Variants in PCDHGA1 observed in about 807,000 individuals in gnomAD.
The protein encoded by PCDHGA1 is protocadherin gamma-A1.
In PCDHGA1, 32 loss-of-function variants were observed where a neutral mutation model predicts 58.0. That is an observed-to-expected ratio of 0.55 (90% CI 0.42 to 0.74). The LOEUF is 0.74. PCDHGA1 is among the 30% of genes least tolerant of loss of function. The pLI is 0.00. For missense variants in PCDHGA1, 1,205 were observed against 1,182.3 expected, an observed-to-expected ratio of 1.02 and a Z score of -0.28; for synonymous variants, 498 against 501.1, an observed-to-expected ratio of 0.99 and a Z score of 0.08.
intron 1 of PCDHGA1, chr5:141,404,993 C>G (rs1159647700): frequency 6.2e-7 from 1 of 1,613,850 alleles, no homozygotes; most frequent in Non-Finnish European, 8.5e-7. Flanking sequence ...TCTTCAGATC[C>G]CTGCAGACCT....
At chr5:141,492,404 T>C (rs944864208) in intron 1 of PCDHGA1, among the ~76,000 whole-genome samples, 9 of 152,316 alleles carry the variant, frequency 5.9e-5, no homozygotes, top group African/African-American at 1.9e-4. Context: ...GCAGCTCCCC[T>C]CTGCCGCTCC....
chr5:141,364,396 G>A (rs1763298819), intron 1 of PCDHGA1: 4 of 1,604,434 alleles, frequency 2.5e-6, no homozygotes, highest in Non-Finnish European at 3.4e-6. Context: ...TCCTGGGGAC[G>A]CTGTGCGAGC....
intron 1 of PCDHGA1, chr5:141,415,523 T>G (rs1245542927): frequency 1.9e-6 from 3 of 1,614,196 alleles, no homozygotes; most frequent in Non-Finnish European, 2.5e-6. Context: ...GCGGACACGC[T>G]CATCAGCCAG....
intron 1 of PCDHGA1, chr5:141,343,299 T>C: frequency 1.0e-6 from 1 of 971,234 alleles, no homozygotes; most frequent in Non-Finnish European, 1.2e-6. Context: ...AATGTATAAA[T>C]ATGGCTGATT....
intron 1 of PCDHGA1, chr5:141,374,416 G>T (rs1770482486): frequency 6.2e-7 from 1 of 1,613,830 alleles, no homozygotes; most frequent in Non-Finnish European, 8.5e-7. Flanking sequence ...TCCTTGTCGA[G>T]GATAAACTGA....
At chr5:141,500,438 T>C (rs977844035) in intron 2 of PCDHGA1, among the ~76,000 whole-genome samples, 2 of 151,816 alleles carry the variant, frequency 1.3e-5, no homozygotes, top group African/African-American at 4.8e-5. Flanking sequence ...CTCGATCTCC[T>C]GACCTCGTGA....
chr5:141,477,193 C>G lies in PCDHGA1; in HGVS notation c.2422-17614C>G. The G allele has an allele frequency of 6.2e-7, 1 of 1,614,176 alleles. No homozygotes were observed. Among genetic ancestry groups the G allele is most frequent in the Non-Finnish European group, 8.5e-7 (1 of 1,180,036 alleles). On this transcript the variant is annotated intron_variant, in intron 1 of 3. Transcript: ENST00000517417. This position sits in a 1 kb window ranked among gnomAD's most constrained non-coding sequence, Gnocchi z 4.9. ...AGATCACAGTCACCTCCGTGTACAG[C>G]CCAGTACCCGAGGATGCCCCTCTGG...
chr5:141,371,143 A>G (rs199674539), intron 1 of PCDHGA1: 355 of 1,613,904 alleles, frequency 2.2e-4, no homozygotes, highest in Middle Eastern at 4.9e-4. Flanking sequence ...TACAGGGTCA[A>G]TGTTGCAGAG....
chr5:141,361,803 T>C, intron 1 of PCDHGA1: 1 of 1,613,164 alleles, frequency 6.2e-7, no homozygotes, highest in Non-Finnish European at 8.5e-7. Flanking sequence ...GCGACCTCAA[T>C]GACAATGCGC....
chr5:141,377,672 C>G (rs529772336), intron 1 of PCDHGA1: 1 of 151,784 alleles, frequency 6.6e-6, no homozygotes, highest in East Asian at 1.9e-4. Context: ...GACGTTCATA[C>G]AAGAGATCTT....
chr5:141,415,041 G>T, intron 1 of PCDHGA1: 1 of 1,613,530 alleles, frequency 6.2e-7, no homozygotes, highest in Non-Finnish European at 8.5e-7. Flanking sequence ...GACTCTTCGC[G>T]GTGGGGGAGC....
Position 141,464,279 on chromosome 5 carries a change from CA to C in PCDHGA1, c.2422-30517del, listed in dbSNP as rs373828487. Among the ~76,000 whole-genome samples, 143 of 137,732 alleles carry C rather than the reference CA, an allele frequency of 1.0e-3. 2 individuals are homozygous for C. The Middle Eastern group carries it at 0.015, about 15-fold the overall frequency. 90.4% of individuals were successfully genotyped at this position (137,732 alleles called of 152,430 possible). A position where few individuals can be genotyped will look rare whatever the true frequency, so the allele number is the denominator to read the frequency against. The stretch of plus-strand genomic sequence containing the variant: ...GACTCCGTCTAAAAAAAAAAAAAAG[CA>C]AAAAAAAAAACTCCATTGTATGTGC... On this transcript the variant is annotated intron_variant, in intron 1 of 3. Transcript: ENST00000517417.
chr5:141,345,633 G>A (rs1397883180), intron 1 of PCDHGA1: 2 of 1,614,210 alleles, frequency 1.2e-6, no homozygotes, highest in Admixed American at 1.7e-5. Flanking sequence ...ACTGGTGACA[G>A]CCAGCGACAG....
chr5:141,383,123 T>C, intron 1 of PCDHGA1: 1 of 1,614,066 alleles, frequency 6.2e-7, no homozygotes, highest in Non-Finnish European at 8.5e-7. Context: ...ACGCAGCTTT[T>C]CGCCCTGAAC....
At chr5:141,340,831 T>C (rs761521286) in intron 1 of PCDHGA1, 41 of 1,612,286 alleles carry the variant, frequency 2.5e-5, no homozygotes, top group Non-Finnish European at 3.5e-5. Flanking sequence ...TCTCGGTGGG[T>C]CTGCACACGG....
At chr5:141,460,455 A>G (rs1021070289) in intron 1 of PCDHGA1, among the ~76,000 whole-genome samples, 2 of 152,080 alleles carry the variant, frequency 1.3e-5, no homozygotes, top group African/African-American at 4.8e-5. Context: ...GAAGATTCAT[A>G]TTTTTTTCCA....
At chr5:141,433,641 G>C (rs1177387884) in intron 1 of PCDHGA1, among the ~76,000 whole-genome samples, 1 of 152,104 alleles carries the variant, frequency 6.6e-6, no homozygotes, top group Admixed American at 6.5e-5. Flanking sequence ...TTTGAGACCA[G>C]CCTGACCAAC....
rs200533514 is a variant in PCDHGA1 at position 141,476,315 on chromosome 5, C to T, written c.2422-18492C>T. On this transcript the variant is annotated intron_variant, in intron 1 of 3. Transcript: ENST00000517417. This position sits in a 1 kb window ranked among gnomAD's most constrained non-coding sequence, Gnocchi z 7.6. The stretch of plus-strand genomic sequence containing the variant: ...CGGTAGCCTCTCAGCCCGCAGGTTC[C>T]GGGTGGTGTCTGGAGCTAGCCGAAG... 264 of 1,613,910 alleles carry T rather than the reference C, an allele frequency of 1.6e-4. No homozygotes were observed. The highest frequency in any genetic ancestry group is 2.1e-4 in the Non-Finnish European group (248 of 1,180,024).
Position 141,511,229 on chromosome 5 carries a change from T to G in PCDHGA1, c.*56T>G. 6.3e-7 allele frequency: 1 copy of G among 1,598,500 alleles called. No homozygotes were observed. Among genetic ancestry groups the G allele is most frequent in the Non-Finnish European group, 8.5e-7 (1 of 1,172,476 alleles). On this transcript the variant is annotated 3_prime_UTR_variant, in exon 4 of 4. Transcript: ENST00000517417. ...GCCTCTCCCCAACCAGCCCAGCTTC[T>G]CCTTACCTGCACCCAGGCCTCAGAG...
Sources: allele counts gnomAD v4.1 joint callset (sites outside exome capture counted in the v4.1 genomes callset), GRCh38; gene constraint gnomAD v4.1.1; non-coding constraint Gnocchi (gnomAD v3.1); transcripts MANE v1.5; gene names NCBI Gene and HGNC (gene_info 2026-07-23, HGNC 2026-07-21).